The following KLHL5 variants were observed in gnomAD, a reference collection of about 807,000 sequenced individuals.
KLHL5 encodes the protein kelch like family member 5.
KLHL5 carries 48 observed loss-of-function variants against 77.7 expected under a neutral mutation model. The observed-to-expected ratio is 0.62, with a 90% confidence interval of 0.49 to 0.79. KLHL5 has a LOEUF of 0.79. Among genes scored for constraint, KLHL5 ranks in the 30% least tolerant of loss-of-function variants. The pLI is 0.00. For synonymous variants in KLHL5, 260 were observed against 297.0 expected, an observed-to-expected ratio of 0.88 and a Z score of 1.28; for missense variants, 723 against 859.7, an observed-to-expected ratio of 0.84 and a Z score of 1.99.
the KLHL5 span, among the ~76,000 whole-genome samples, chr4:39,142,006 T>C: frequency 6.6e-6 from 1 of 152,284 alleles, no homozygotes; most frequent in East Asian, 1.9e-4. Context: ...TATTTTTATC[T>C]CTGAGCCATT....
chr4:39,126,815 C>T (rs1387399128), downstream of KLHL5: 1 of 438,240 alleles, frequency 2.3e-6, no homozygotes, highest in Non-Finnish European at 4.5e-6. Context: ...TTATCTAAAG[C>T]CGGCATCTTG....
chr4:39,116,336 AAAAAG>A (rs367806550), intron 10 of KLHL5: 5 of 152,516 alleles, frequency 3.3e-5, no homozygotes, highest in African/African-American at 1.2e-4. Context: ...CCATCTTAAA[AAAAAG>A]AAAAGAAAAG....
chr4:39,067,977 C>T (rs975115890), intron 1 of KLHL5, among the ~76,000 whole-genome samples: 10 of 152,248 alleles, frequency 6.6e-5, no homozygotes, highest in African/African-American at 1.9e-4. Flanking sequence ...GCCACCACAC[C>T]TGGCCCCATA....
chr4:39,088,126 G>A (rs550603816), intron 5 of KLHL5, among the ~76,000 whole-genome samples: 88 of 152,244 alleles, frequency 5.8e-4, no homozygotes, highest in African/African-American at 1.9e-3. Context: ...AAATCAAACC[G>A]AATTTGAAAA....
intron 8 of KLHL5, among the ~76,000 whole-genome samples, chr4:39,108,032 A>G (rs951634653): frequency 4.6e-5 from 7 of 151,154 alleles, no homozygotes; most frequent in African/African-American, 1.4e-4. Flanking sequence ...AAAATAATAT[A>G]ATTTAAAAGT....
At chr4:39,115,586 TC>T in intron 10 of KLHL5, 1 of 1,435,382 alleles carries the variant, frequency 7.0e-7, no homozygotes, top group Non-Finnish European at 9.1e-7. Flanking sequence ...GATGAAGTGT[TC>T]TAGCCTGATT....
At chr4:39,067,954 A>T (rs1381667435) in intron 1 of KLHL5, among the ~76,000 whole-genome samples, 1 of 152,040 alleles carries the variant, frequency 6.6e-6, no homozygotes, top group Non-Finnish European at 1.5e-5. Flanking sequence ...AAGTGCTAGG[A>T]TTACAAGCAT....
chr4:39,110,739 A>T (rs1043897691), intron 8 of KLHL5, among the ~76,000 whole-genome samples: 7 of 152,190 alleles, frequency 4.6e-5, no homozygotes, highest in African/African-American at 1.7e-4. Flanking sequence ...ATGTGCTGGG[A>T]TTACAGGTGT....
At chr4:39,094,049 G>A (rs1337882296) in intron 5 of KLHL5, among the ~76,000 whole-genome samples, 2 of 151,776 alleles carry the variant, frequency 1.3e-5, no homozygotes, top group East Asian at 1.9e-4. Context: ...ACTCTGTATC[G>A]GCCTAATTAT....
chr4:39,045,062 G>T, exon 1 of KLHL5: 1 of 989,484 alleles, frequency 1.0e-6, no homozygotes, highest in Non-Finnish European at 1.2e-6. Flanking sequence ...GCCCCGGCCC[G>T]CCGTGACCCA....
rs192130722 is a variant in KLHL5 at position 39,125,514 on chromosome 4, T to C, written c.*4448T>C. Among the ~76,000 whole-genome samples, 1 of 152,214 alleles carries C rather than the reference T, an allele frequency of 6.6e-6. No individual in the cohort carries two copies. The highest frequency in any genetic ancestry group is 2.4e-5 in the African/African-American group (1 of 41,514). ...CACGGCACAATAGAATATTCAGCCA[T>C]AAAGAGAAATGAGGGACTGATACAT... is the stretch of plus-strand genomic sequence containing the variant. On this transcript the variant is annotated 3_prime_UTR_variant, in exon 11 of 11. Transcript: ENST00000504108.
At chr4:39,083,120 G>A (rs1050443292) in intron 4 of KLHL5, among the ~76,000 whole-genome samples, 2 of 152,222 alleles carry the variant, frequency 1.3e-5, no homozygotes, top group Admixed American at 6.5e-5. Flanking sequence ...GTTCCACTGA[G>A]TTGGGATATG....
chr4:39,113,767 G>A (rs781222029), intron 9 of KLHL5, among the ~76,000 whole-genome samples: 15 of 152,080 alleles, frequency 9.9e-5, no homozygotes, highest in Non-Finnish European at 1.9e-4. Context: ...ATCAATAGGA[G>A]CTTGTCTGAA....
intron 2 of KLHL5, among the ~76,000 whole-genome samples, chr4:39,076,710 G>A (rs2109353860): frequency 7.1e-6 from 1 of 141,544 alleles, no homozygotes; most frequent in African/African-American, 2.6e-5. Context: ...GTATTCAGTT[G>A]TTCATTGTTA....
chr4:39,073,722 G>A (rs998563231), intron 1 of KLHL5, among the ~76,000 whole-genome samples: 13 of 152,054 alleles, frequency 8.5e-5, no homozygotes, highest in African/African-American at 3.1e-4. Context: ...TCAGCTCACC[G>A]TAACCTCTGC....
intron 1 of KLHL5, among the ~76,000 whole-genome samples, chr4:39,053,290 C>T (rs1024148405): frequency 2.6e-5 from 4 of 152,130 alleles, no homozygotes; most frequent in Non-Finnish European, 5.9e-5. Context: ...GTGATTGGCT[C>T]ATTATGTGAT....
At chr4:39,045,784 A>T (rs958797921) in intron 1 of KLHL5, among the ~76,000 whole-genome samples, 10 of 152,056 alleles carry the variant, frequency 6.6e-5, no homozygotes, top group Non-Finnish European at 1.3e-4. Context: ...AGTTCACAGA[A>T]TTCAAAAGGT....
intron 10 of KLHL5, among the ~76,000 whole-genome samples, chr4:39,117,118 A>G (rs1294364310): frequency 6.6e-6 from 1 of 152,122 alleles, no homozygotes; most frequent in Non-Finnish European, 1.5e-5. Context: ...TACAGGCATG[A>G]GCCACCATGC....
chr4:39,133,984 G>C, the KLHL5 span: 5 of 152,154 alleles, frequency 3.3e-5, no homozygotes, highest in Non-Finnish European at 7.3e-5. Flanking sequence ...AGGCCTCCGA[G>C]AGGATGAGAA....
Sources: allele counts gnomAD v4.1 joint callset (sites outside exome capture counted in the v4.1 genomes callset), GRCh38; gene constraint gnomAD v4.1.1; transcripts MANE v1.5; gene names NCBI Gene and HGNC (gene_info 2026-07-23, HGNC 2026-07-21).